Variants in UPP2 observed in about 807,000 individuals in gnomAD.
UPP2 encodes uridine phosphorylase 2, also known as UPase 2.
UPP2 carries 23 observed loss-of-function variants against 26.7 expected under a neutral mutation model. The observed-to-expected ratio is 0.86, with a 90% CI of 0.62 to 1.22. The LOEUF (loss-of-function observed/expected upper bound fraction) is 1.22. Ranked by LOEUF, UPP2 falls within the 50% of genes most tolerant of loss-of-function variation. The pLI is 0.00. For synonymous variants in UPP2, 127 were observed against 141.3 expected (o/e 0.90, Z 0.72); for missense variants, 387 against 396.7 (o/e 0.98, Z 0.21).
At chr2:158,085,048 T>C (rs368362207) in intron 3 of UPP2, among the ~76,000 whole-genome samples, 134 of 152,268 alleles carry the variant, frequency 8.8e-4, no homozygotes, top group African/African-American at 3.0e-3. Context: ...GGTATTTTGA[T>C]GGGAATTGCA....
At chr2:158,058,396 CTCTCTCTCTCTCT>C (rs1682292422) in intron 3 of UPP2, among the ~76,000 whole-genome samples, 1 of 126,210 alleles carries the variant, frequency 7.9e-6, no homozygotes, top group Admixed American at 8.8e-5. Context: ...CTCTCTCTCT[CTCTCTCTCTCTCT>C]CCCCCCAACC....
At chr2:158,131,075 T>C (rs1683808755) in intron 6 of UPP2, among the ~76,000 whole-genome samples, 1 of 152,162 alleles carries the variant, frequency 6.6e-6, no homozygotes, top group African/African-American at 2.4e-5. Context: ...GGTTGTTGAT[T>C]AAAAAACATT....
At chr2:158,036,991 A>G (rs749985176) in intron 3 of UPP2, among the ~76,000 whole-genome samples, 2 of 152,146 alleles carry the variant, frequency 1.3e-5, no homozygotes, top group Non-Finnish European at 2.9e-5. Context: ...AAAGTTTCCT[A>G]TCTTCAAGTT....
chr2:158,079,664 T>C (rs556828096), intron 3 of UPP2, among the ~76,000 whole-genome samples: 1 of 152,272 alleles, frequency 6.6e-6, no homozygotes, highest in African/African-American at 2.4e-5. Context: ...TACATTTTTT[T>C]CAAATGGCTG....
In UPP2 at chr2:158,061,392, C is replaced by T. The variant is rs965981952; in HGVS notation, c.148-40648C>T. The stretch of plus-strand genomic sequence containing the variant: ...TGGAGGGGCTGTAGAGATGAATTAG[C>T]CCAAATTAGTGCTCCTAGAAAGAGT... On this transcript the variant is annotated intron_variant, in intron 3 of 9. Transcript: ENST00000605860. 1.1e-3 allele frequency among the ~76,000 whole-genome samples: 172 copies of T among 152,180 alleles called. 1 individual carries two copies. Among genetic ancestry groups the T allele is most frequent in the African/African-American group, 4.0e-3 (166 of 41,420 alleles).
intron 3 of UPP2, among the ~76,000 whole-genome samples, chr2:158,055,396 T>G (rs979973818): frequency 2.6e-5 from 4 of 152,162 alleles, no homozygotes; most frequent in African/African-American, 7.2e-5. Flanking sequence ...TATTGTTACA[T>G]TGGGGATTAA....
intron 3 of UPP2, among the ~76,000 whole-genome samples, chr2:158,055,899 G>T (rs994046515): frequency 1.3e-5 from 2 of 152,106 alleles, no homozygotes; most frequent in Non-Finnish European, 2.9e-5. Context: ...CTCCTTCCCT[G>T]GATGGCAAGG....
intron 3 of UPP2, chr2:158,065,951 G>C (rs555012559): frequency 2.1e-6 from 1 of 471,176 alleles, no homozygotes; most frequent in Non-Finnish European, 3.9e-6. Context: ...CAAGAAAAAA[G>C]CAGTATGGAG....
intron 2 of UPP2, among the ~76,000 whole-genome samples, chr2:158,009,480 G>C (rs539434472): frequency 6.6e-6 from 1 of 152,184 alleles, no homozygotes. Flanking sequence ...TAGCCAAGAC[G>C]CACATTTTCT....
At chr2:158,012,849 C>T (rs1683602137) in intron 2 of UPP2, among the ~76,000 whole-genome samples, 1 of 152,056 alleles carries the variant, frequency 6.6e-6, no homozygotes. Context: ...ATTACAAAGA[C>T]ACTTTAATAA....
intron 2 of UPP2, among the ~76,000 whole-genome samples, chr2:158,004,817 A>C (rs555122441): frequency 6.6e-6 from 1 of 152,352 alleles, no homozygotes; most frequent in South Asian, 2.1e-4. Flanking sequence ...CATATATCAA[A>C]AATGGAGATA....
intron 2 of UPP2, among the ~76,000 whole-genome samples, chr2:158,006,928 T>C (rs1683500822): frequency 6.6e-6 from 1 of 152,192 alleles, no homozygotes. Context: ...GTGTGCAAGA[T>C]TTTGTGTACC....
chr2:158,062,127 G>A (rs770481441), intron 3 of UPP2, among the ~76,000 whole-genome samples: 6 of 152,222 alleles, frequency 3.9e-5, no homozygotes, highest in Non-Finnish European at 7.3e-5. Flanking sequence ...TTACTTGTAA[G>A]CCCTTTACGG....
chr2:158,077,117 A>G (rs10204540), intron 3 of UPP2, among the ~76,000 whole-genome samples: 9,993 of 152,118 alleles, frequency 0.066, 603 homozygotes, highest in East Asian at 0.14. Flanking sequence ...AAGAAGTAAA[A>G]GATCTCTATA....
chr2:158,058,111 A>C (rs565348527), intron 3 of UPP2, among the ~76,000 whole-genome samples: 3 of 151,990 alleles, frequency 2.0e-5, no homozygotes, highest in Middle Eastern at 6.8e-3. Flanking sequence ...AGCTAACACG[A>C]TGAAACTCCG....
rs74368498 is a variant in UPP2, at chr2:158,054,726, T to A, written c.147+38840T>A. Among the ~76,000 whole-genome samples, 671 of 152,350 alleles carry A rather than the reference T, an allele frequency of 4.4e-3. 2 individuals carry two copies. Among genetic ancestry groups the A allele is most frequent in the African/African-American group, 0.015 (606 of 41,586 alleles). ...TGGTTCTTCTCATCCCCATAAATAG[T>A]CAATGACTTCTACATGATGTTGAGC... is the stretch of plus-strand genomic sequence containing the variant. On this transcript the variant is annotated intron_variant, in intron 3 of 9. Coordinates refer to the UPP2 transcript ENST00000605860.
rs550985868 is a variant in UPP2 at position 158,066,000 on chromosome 2, T to C, written c.148-36040T>C. The C allele has an allele frequency of 1.6e-5, 6 of 384,844 alleles. No individual in the cohort carries two copies. In the South Asian group the frequency reaches 1.6e-4, roughly 10 times the overall value. 23.8% of individuals were successfully genotyped at this position (384,844 alleles called of 1,614,324 possible). On this transcript the variant is annotated intron_variant, in intron 3 of 9. Transcript: ENST00000605860. ...GTTAACTTTTGTATTTGGAGAAGTA[T>C]CATCCTTAAAGATGTGGCTGCACTT...
chr2:158,118,162 C>CG (rs1049306504), intron 4 of UPP2, among the ~76,000 whole-genome samples: 5 of 151,526 alleles, frequency 3.3e-5, no homozygotes, highest in Non-Finnish European at 7.4e-5. Context: ...CTGCCTATTG[C>CG]GGGATAGTCT....
intron 3 of UPP2, among the ~76,000 whole-genome samples, chr2:158,032,204 A>C (rs1020227354): frequency 6.6e-6 from 1 of 152,212 alleles, no homozygotes; most frequent in Admixed American, 6.5e-5. Flanking sequence ...ATTTTGGCTT[A>C]GTAGAAATAA....
Sources: allele counts gnomAD v4.1 joint callset (sites outside exome capture counted in the v4.1 genomes callset), GRCh38; gene constraint gnomAD v4.1.1; transcripts MANE v1.5; gene names NCBI Gene and HGNC (gene_info 2026-07-23, HGNC 2026-07-21).